Variants in UGT3A2 observed in about 807,000 individuals in gnomAD.
The protein encoded by UGT3A2 is UDP glycosyltransferase family 3 member A2, also known as UDP-glycosyltransferase 3A2.
UGT3A2 carries 32 observed loss-of-function variants against 39.8 expected under a neutral mutation model. That is an observed-to-expected ratio of 0.80 (90% CI 0.61 to 1.08). The LOEUF (loss-of-function observed/expected upper bound fraction) is 1.08, where lower values mean the gene tolerates loss of function less well. Among genes scored for constraint, UGT3A2 ranks in the 50% least tolerant of loss-of-function variants. UGT3A2 has a pLI of 0.00. For missense variants in UGT3A2, 611 were observed against 637.1 expected (o/e 0.96, Z 0.44); for synonymous variants, 241 against 230.7 (o/e 1.04, Z -0.40).
At position 36,064,273 on chromosome 5, in the gene UGT3A2, G is replaced by A; in HGVS notation, c.172C>T (p.His58Tyr). The change falls in exon 2 of 7, where the codon CAC becomes TAC. Residue 58 changes from histidine (H) to tyrosine (Y), a missense_variant. By Grantham distance (83) the His-to-Tyr change is moderately conservative. Coordinates refer to ENST00000282507, the MANE Select transcript of UGT3A2 (RefSeq NM_174914.4). Reference sequence around the variant, plus strand: ...CCTGGCATAAAAGGACCTCTTTTGTGGTTAAGCATGGTGACATTATGACCG... The same window carrying A: ...CCTGGCATAAAAGGACCTCTTTTGTAGTTAAGCATGGTGACATTATGACCG... ...DHGHNVTMLN[H>Y]KRGPFMPDFK... The A allele has an allele frequency of 6.2e-7, 1 of 1,614,138 alleles. No homozygotes were observed. The highest frequency in any genetic ancestry group is 1.7e-5 in the Admixed American group (1 of 60,024).
chr5:36,049,995 G>A (rs1432335981), intron 3 of UGT3A2, among the ~76,000 whole-genome samples: 1 of 151,944 alleles, frequency 6.6e-6, no homozygotes, highest in East Asian at 1.9e-4. Context: ...ACCCCTAGGA[G>A]TTAAGCAATG....
Position 36,049,411 on chromosome 5 carries a change from A to C in UGT3A2, c.321T>G (p.Phe107Leu), listed in dbSNP as rs1180309950. 1.3e-6 allele frequency: 2 copies of C among 1,553,812 alleles called. No homozygotes were observed. The highest frequency in any genetic ancestry group is 4.3e-5 in the Admixed American group (2 of 46,884). The stretch of plus-strand genomic sequence containing the variant: ...ATTCTAGAACATTTAATAAGTTTTC[A>C]AATTTTCCTCTGTAAGAAAAAAATG... ...LEETLGGRGK[F>L]ENLLNVLEYL... Residue 107 changes from phenylalanine (F) to leucine (L), a missense_variant, in exon 4 of 7, where the codon TTT becomes TTG. Physicochemically the swap from Phe to Leu is conservative, Grantham distance 22. Transcript: ENST00000282507.
At chr5:36,055,422 G>A (rs2111750383) in intron 2 of UGT3A2, among the ~76,000 whole-genome samples, 1 of 152,088 alleles carries the variant, frequency 6.6e-6, no homozygotes, top group East Asian at 2.0e-4. Context: ...AGTAGAGACA[G>A]GGTTGCACCA....
chr5:36,058,664 A>G (rs1452125931), intron 2 of UGT3A2, among the ~76,000 whole-genome samples: 1 of 152,134 alleles, frequency 6.6e-6, no homozygotes, highest in Non-Finnish European at 1.5e-5. Flanking sequence ...ATAAATAAGA[A>G]GGGTTGTGGA....
rs748810833 is a variant in UGT3A2, at chr5:36,049,152, G to A, written c.580C>T (p.His194Tyr). The A allele has an allele frequency of 5.6e-6, 9 of 1,614,064 alleles. No homozygotes were observed. The highest frequency in any genetic ancestry group is 1.7e-5 in the Admixed American group (1 of 59,994). The change falls in exon 4 of 7, where the codon CAC (histidine) becomes TAC (tyrosine). Residue 194 changes from histidine (H) to tyrosine (Y), a missense_variant. Physicochemically the swap from His to Tyr is moderately conservative, Grantham distance 83. Transcript: ENST00000282507. ...VPVFRSLLTDHMDFWGRVKNF... is the reference protein window; with the variant it reads ...VPVFRSLLTDYMDFWGRVKNF... Reference sequence around the variant, plus strand: ...TTCACTCGGCCCCAGAAGTCCATGTGATCAGTCAGCAAGGAACGGAATACT... The same window carrying A: ...TTCACTCGGCCCCAGAAGTCCATGTAATCAGTCAGCAAGGAACGGAATACT...
At chr5:36,048,859 T>A (rs1479295998) in intron 4 of UGT3A2, 30 bp downstream of exon 4, 1 of 1,603,178 alleles carries the variant, frequency 6.2e-7, no homozygotes, top group Non-Finnish European at 8.5e-7. Context: ...TCTGCGTGAA[T>A]CCCAAACTGA....
chr5:36,054,490 C>T (rs1438101797), intron 2 of UGT3A2, among the ~76,000 whole-genome samples: 4 of 152,116 alleles, frequency 2.6e-5, no homozygotes, highest in East Asian at 1.9e-4. Context: ...CTCATCAGCT[C>T]GGAATTCCCA....
At chr5:36,065,177 C>T (rs1343293569) in intron 1 of UGT3A2, among the ~76,000 whole-genome samples, 1 of 151,128 alleles carries the variant, frequency 6.6e-6, no homozygotes, top group African/African-American at 2.4e-5. Flanking sequence ...TTCTCAGCAG[C>T]AGAGAAAGGA....
At chr5:36,066,595 A>T in intron 1 of UGT3A2, 101 bp downstream of exon 1, 1 of 1,586,640 alleles carries the variant, frequency 6.3e-7, no homozygotes, top group South Asian at 1.1e-5. Flanking sequence ...CCAGCCTGGA[A>T]AATCACGTGG....
At chr5:36,051,104 C>T (rs1246676909) in intron 3 of UGT3A2, among the ~76,000 whole-genome samples, 1 of 151,964 alleles carries the variant, frequency 6.6e-6, no homozygotes, top group South Asian at 2.1e-4. Flanking sequence ...GAGGAGAGAA[C>T]GTGGTGTTCC....
chr5:36,052,761 AC>A (rs1742388421), intron 2 of UGT3A2, among the ~76,000 whole-genome samples: 2 of 151,914 alleles, frequency 1.3e-5, no homozygotes, highest in East Asian at 1.9e-4. Flanking sequence ...AAAATACCTC[AC>A]CCTATGAGTC....
intron 4 of UGT3A2, among the ~76,000 whole-genome samples, chr5:36,044,442 CCA>C (rs1319612225): frequency 4.1e-4 from 63 of 152,100 alleles, no homozygotes; most frequent in African/African-American, 1.4e-3. Context: ...CCCACTTTTA[CCA>C]CAGTTATTCA....
At chr5:36,052,005 T>TA (rs750728715) in intron 2 of UGT3A2, 21 bp from the exon 3 acceptor site, 392 of 1,492,252 alleles carry the variant, frequency 2.6e-4, no homozygotes, top group Middle Eastern at 3.5e-4. Flanking sequence ...AGCAACGGGT[T>TA]AAAAAAAAAG....
Position 36,035,567 on chromosome 5 carries a change from T to A in UGT3A2, c.*131A>T. The A allele has an allele frequency of 1.5e-6, 2 of 1,369,686 alleles. No homozygotes were observed. The highest frequency in any genetic ancestry group is 3.1e-5 in the South Asian group (2 of 65,266). The allele number at this position is 1,369,686 out of a possible 1,614,324, so 84.8% of individuals were successfully genotyped here. ...AGTGGAAAGGATGATTTTTGGCCAT[T>A]TTTCCTGTTCTTCAAGAAAACAGGA... On this transcript the variant is annotated 3_prime_UTR_variant, in exon 7 of 7. Coordinates refer to ENST00000282507, the MANE Select transcript of UGT3A2 (RefSeq NM_174914.4).
intron 2 of UGT3A2, among the ~76,000 whole-genome samples, chr5:36,060,380 C>T (rs527475645): frequency 3.9e-5 from 6 of 152,292 alleles, no homozygotes; most frequent in Admixed American, 1.3e-4. Flanking sequence ...TGACAAACTG[C>T]GTCTGCCACC....
intron 2 of UGT3A2, among the ~76,000 whole-genome samples, chr5:36,053,617 C>T (rs1032268307): frequency 6.6e-6 from 1 of 152,224 alleles, no homozygotes; most frequent in African/African-American, 2.4e-5. Flanking sequence ...GAGCACCTAT[C>T]ATGGCTGTTT....
rs773383367 is a variant in UGT3A2, at chr5:36,039,512, T to G, written c.1040A>C (p.Lys347Thr). Reference protein sequence around the residue: ...PKDVHLAANVKIVDWLPQSDL... With the variant: ...PKDVHLAANVTIVDWLPQSDL... ...ACTCTGAGGAAGCCAGTCCACAATT[T>G]TCACATTTGCAGCCAGGTGGACATC... is the stretch of plus-strand genomic sequence containing the variant. Residue 347 changes from lysine to threonine, a missense_variant, in exon 5 of 7, where the codon AAA becomes ACA. By Grantham distance (78) the Lys-to-Thr change is moderately conservative (BLOSUM62 -1). Transcript: ENST00000282507. The G allele has an allele frequency of 3.1e-6, 5 of 1,614,140 alleles. No homozygotes were observed. In the Admixed American group the frequency reaches 8.3e-5, roughly 27 times the overall value.
intron 4 of UGT3A2, among the ~76,000 whole-genome samples, chr5:36,043,523 A>T (rs1561490760): frequency 6.6e-6 from 1 of 152,012 alleles, no homozygotes; most frequent in Non-Finnish European, 1.5e-5. Context: ...AGACATAAAG[A>T]TCACAGCAGA....
chr5:36,039,766 A>T lies in UGT3A2; in HGVS notation c.844-58T>A, dbSNP rs560225899. 7.5e-6 allele frequency: 11 copies of T among 1,468,890 alleles called. No homozygotes were observed. The Admixed American group carries it at 1.9e-4, about 26-fold the overall frequency. 91.0% of individuals were successfully genotyped at this position (1,468,890 alleles called of 1,614,324 possible). A position where few individuals can be genotyped will look rare whatever the true frequency, so the allele number is the denominator to read the frequency against. ...AAAATTATTGGTGAAAGCCTAGTTG[A>T]CCAGAAAATGAAAGCCAGAGTATTT... On this transcript the variant is annotated intron_variant, in intron 4 of 6. Coordinates refer to ENST00000282507, the MANE Select transcript of UGT3A2 (RefSeq NM_174914.4).
Sources: allele counts gnomAD v4.1 joint callset (sites outside exome capture counted in the v4.1 genomes callset), GRCh38; gene constraint gnomAD v4.1.1; transcripts MANE v1.5; gene names NCBI Gene and HGNC (gene_info 2026-07-23, HGNC 2026-07-21).